LRFN5: variants seen among roughly 807,000 people sequenced by gnomAD.
LRFN5 encodes leucine-rich repeat and fibronectin type-III domain-containing protein 5.
A neutral mutation model predicts 45.6 loss-of-function variants in LRFN5; 24 were observed. The observed-to-expected ratio is 0.53, with a 90% CI of 0.38 to 0.74. The LOEUF (loss-of-function observed/expected upper bound fraction) is 0.74. LRFN5 is among the 30% of genes least tolerant of loss of function. The pLI, the probability that LRFN5 is intolerant of heterozygous loss-of-function variation, is 0.00. For missense variants in LRFN5, 776 were observed against 861.5 expected, an observed-to-expected ratio of 0.90 and a Z score of 1.24; for synonymous variants, 340 against 313.8, an observed-to-expected ratio of 1.08 and a Z score of -0.88.
chr14:41,646,422 G>T (rs1268146545), intron 1 of LRFN5, among the ~76,000 whole-genome samples: 1 of 151,994 alleles, frequency 6.6e-6, no homozygotes, highest in African/African-American at 2.4e-5. Flanking sequence ...AGCAAACTTT[G>T]TCTCACTTTT....
chr14:41,892,869 A>C, intron 4 of LRFN5: 2 of 985,012 alleles, frequency 2.0e-6, no homozygotes, highest in Non-Finnish European at 2.4e-6. Context: ...AGATGTTTTC[A>C]TTCATTTAAT....
At chr14:41,856,910 C>T (rs1037825552) in intron 2 of LRFN5, among the ~76,000 whole-genome samples, 50 of 149,942 alleles carry the variant, frequency 3.3e-4, no homozygotes, top group African/African-American at 1.1e-3. Flanking sequence ...GTGATCCGCC[C>T]GCCTCGGCCT....
chr14:41,800,073 A>T (rs189660071), intron 2 of LRFN5, among the ~76,000 whole-genome samples: 34 of 152,224 alleles, frequency 2.2e-4, no homozygotes, highest in Admixed American at 2.0e-3. Context: ...GTTATATCAT[A>T]TATAATTGAC....
Position 41,887,181 on chromosome 14 carries a change from A to C in LRFN5, c.556A>C (p.Ile186Leu). 1 of 1,614,110 alleles carries C rather than the reference A, an allele frequency of 6.2e-7. No homozygotes were observed. Among genetic ancestry groups the C allele is most frequent in the African/African-American group, 1.3e-5 (1 of 75,050 alleles). ...TTTGGATCACAATATGATTGATAAC[A>C]TTCCTAAGGGGACCTTCTCCCATTT... ...LSLDHNMIDN[I>L]PKGTFSHLHK... is the part of the protein sequence containing the mutation. The change falls in exon 3 of 6, where the codon ATT (isoleucine) becomes CTT (leucine). Residue 186 changes from isoleucine to leucine, a missense_variant. Ile to Leu is a conservative substitution (Grantham distance 5, BLOSUM62 2). This residue lies in a region of LRFN5 where 311 missense variants were observed against 405.1 expected (regional missense o/e 0.77). Transcript: ENST00000298119. The surrounding 1 kb of genome is among the most constrained non-coding windows in gnomAD (Gnocchi z 4.8).
chr14:41,822,881 T>G, intron 2 of LRFN5, among the ~76,000 whole-genome samples: 1 of 149,544 alleles, frequency 6.7e-6, no homozygotes, highest in East Asian at 2.1e-4. Flanking sequence ...TGCATTGATC[T>G]CTTTCTCATT....
At position 41,891,438 on chromosome 14, in the gene LRFN5, T is replaced by TG; in HGVS notation, c.1577dup (p.Gly527ArgfsTer27). The stretch of plus-strand genomic sequence containing the variant: ...TGCCATTTCATGCAGTCTCAGTTTT[T>TG]GGGAGGCACCATGATTATTATTATT... On this transcript the variant is annotated frameshift_variant, in exon 4 of 6. Coordinates refer to ENST00000298119, the MANE Select transcript of LRFN5 (RefSeq NM_152447.5). LOFTEE classifies it high-confidence loss of function. 3.1e-6 allele frequency: 5 copies of TG among 1,614,138 alleles called. No homozygotes were observed. The highest frequency in any genetic ancestry group is 4.2e-6 in the Non-Finnish European group (5 of 1,180,022).
intron 1 of LRFN5, among the ~76,000 whole-genome samples, chr14:41,614,298 A>G (rs1368941391): frequency 6.6e-6 from 1 of 152,054 alleles, no homozygotes; most frequent in Non-Finnish European, 1.5e-5. Context: ...GACATCATTA[A>G]TATTTACAAA....
At chr14:41,757,832 C>T (rs1286006348) in intron 1 of LRFN5, among the ~76,000 whole-genome samples, 1 of 152,122 alleles carries the variant, frequency 6.6e-6, no homozygotes, top group Non-Finnish European at 1.5e-5. Context: ...CAGAAATCAC[C>T]AGTCTTCTGC....
At chr14:41,722,757 G>A (rs1584319) in intron 1 of LRFN5, among the ~76,000 whole-genome samples, 72,303 of 151,956 alleles carry the variant, frequency 0.48, 17,649 homozygotes, top group Non-Finnish European at 0.55. Flanking sequence ...GATGTGGCCA[G>A]TGTGGCTGCA....
chr14:41,874,308 G>T (rs73303360), intron 2 of LRFN5, among the ~76,000 whole-genome samples: 1,833 of 152,214 alleles, frequency 0.012, 35 homozygotes, highest in African/African-American at 0.042. Flanking sequence ...AATGTTTTCT[G>T]GCCTTCACTG....
intron 2 of LRFN5, among the ~76,000 whole-genome samples, chr14:41,843,027 T>C (rs879039349): frequency 6.6e-6 from 1 of 151,920 alleles, no homozygotes; most frequent in East Asian, 1.9e-4. Flanking sequence ...TATAGGTGTA[T>C]GTAAATTTTC....
At chr14:41,615,392 A>C (rs945726210) in intron 1 of LRFN5, among the ~76,000 whole-genome samples, 1 of 152,122 alleles carries the variant, frequency 6.6e-6, no homozygotes, top group Non-Finnish European at 1.5e-5. Flanking sequence ...GAGTTCCTTG[A>C]AATTTCCAAA....
intron 2 of LRFN5, among the ~76,000 whole-genome samples, chr14:41,879,289 C>T (rs1317507705): frequency 6.6e-6 from 1 of 151,848 alleles, no homozygotes; most frequent in Non-Finnish European, 1.5e-5. Flanking sequence ...ATAAAGTGCC[C>T]TTTTATATAT....
intron 1 of LRFN5, among the ~76,000 whole-genome samples, chr14:41,674,172 C>G (rs1461551085): frequency 7.1e-6 from 1 of 140,884 alleles, no homozygotes; most frequent in African/African-American, 2.6e-5. Flanking sequence ...CCCCTCACCT[C>G]CCAGACGGGG....
chr14:41,633,988 G>T (rs887761096), intron 1 of LRFN5, among the ~76,000 whole-genome samples: 2 of 152,014 alleles, frequency 1.3e-5, no homozygotes, highest in Non-Finnish European at 2.9e-5. Context: ...CTTCTGCAGC[G>T]TTTCAAAATT....
At chr14:41,626,686 A>G (rs1043374544) in intron 1 of LRFN5, among the ~76,000 whole-genome samples, 1 of 152,116 alleles carries the variant, frequency 6.6e-6, no homozygotes, top group Non-Finnish European at 1.5e-5. Context: ...CACTATGTAG[A>G]TTAATGATTA....
chr14:41,766,682 T>C (rs1248353177), intron 1 of LRFN5, among the ~76,000 whole-genome samples, 172 bp from the exon 2 acceptor site: 1 of 152,238 alleles, frequency 6.6e-6, no homozygotes, highest in Admixed American at 6.5e-5. Context: ...AATCACAGTA[T>C]GTTGCACATT....
intron 1 of LRFN5, among the ~76,000 whole-genome samples, chr14:41,706,194 A>G (rs1171446887): frequency 6.6e-6 from 1 of 151,868 alleles, no homozygotes; most frequent in Non-Finnish European, 1.5e-5. Context: ...TGCACCTCCC[A>G]GGTTCAAGCG....
intron 2 of LRFN5, among the ~76,000 whole-genome samples, chr14:41,807,356 A>G (rs1364498055): frequency 1.3e-5 from 2 of 152,114 alleles, no homozygotes; most frequent in Non-Finnish European, 2.9e-5. Context: ...ACTTGTTAAA[A>G]CCTGTTAGCC....
Sources: allele counts gnomAD v4.1 joint callset (sites outside exome capture counted in the v4.1 genomes callset), GRCh38; gene constraint gnomAD v4.1.1; regional missense constraint gnomAD v4.1.1; non-coding constraint Gnocchi (gnomAD v3.1); transcripts MANE v1.5; gene names NCBI Gene and HGNC (gene_info 2026-07-23, HGNC 2026-07-21).